The following SORCS1 variants were observed in gnomAD, a reference collection of about 807,000 sequenced individuals.
SORCS1 encodes VPS10 domain-containing receptor SorCS1.
Under a neutral mutation model 146.1 loss-of-function variants are expected in SORCS1, and 60 were observed. That is an observed-to-expected ratio of 0.41 (90% CI 0.33 to 0.51). The LOEUF (loss-of-function observed/expected upper bound fraction) is 0.51, where lower values mean the gene tolerates loss of function less well. SORCS1 is among the 20% of genes least tolerant of loss of function. SORCS1 has a pLI of 0.21. For synonymous variants in SORCS1, 637 were observed against 584.0 expected (o/e 1.09, Z -1.31); for missense variants, 1,352 against 1,487.6 (o/e 0.91, Z 1.50).
At chr10:107,002,956 C>T (rs1416499955) in intron 1 of SORCS1, among the ~76,000 whole-genome samples, 3 of 152,080 alleles carry the variant, frequency 2.0e-5, no homozygotes, top group South Asian at 2.1e-4. Flanking sequence ...CCACTCATTA[C>T]TATAAAAAGT....
chr10:106,831,814 T>C (rs1948558309), intron 2 of SORCS1, among the ~76,000 whole-genome samples: 1 of 152,152 alleles, frequency 6.6e-6, no homozygotes, highest in African/African-American at 2.4e-5. Flanking sequence ...AGGAACAAAG[T>C]ACTACGCAAA....
intron 1 of SORCS1, among the ~76,000 whole-genome samples, chr10:107,079,278 T>C (rs1420899410): frequency 4.0e-5 from 6 of 151,776 alleles, no homozygotes; most frequent in Middle Eastern, 3.5e-3. Flanking sequence ...CTGAAAGACA[T>C]GGTACCTTTC....
chr10:106,741,603 AAAT>A (rs1225936089), intron 5 of SORCS1, among the ~76,000 whole-genome samples: 26 of 152,244 alleles, frequency 1.7e-4, no homozygotes, highest in African/African-American at 5.8e-4. Context: ...TTGTCTCAAA[AAAT>A]AATAATAATT....
At chr10:106,854,487 T>C (rs1949707548) in intron 2 of SORCS1, among the ~76,000 whole-genome samples, 1 of 152,028 alleles carries the variant, frequency 6.6e-6, no homozygotes, top group African/African-American at 2.4e-5. Flanking sequence ...GCCTATCACA[T>C]TTTTACCATT....
At chr10:107,158,634 G>A (rs1052970845) in intron 1 of SORCS1, among the ~76,000 whole-genome samples, 17 of 152,152 alleles carry the variant, frequency 1.1e-4, no homozygotes, top group Non-Finnish European at 2.4e-4. Flanking sequence ...GTACAAGACC[G>A]AGAGCTCATT....
At chr10:106,763,419 G>GGCCCCTCA (rs1164869326) in intron 4 of SORCS1, among the ~76,000 whole-genome samples, 1 of 152,188 alleles carries the variant, frequency 6.6e-6, no homozygotes, top group African/African-American at 2.4e-5. Context: ...TTATTTGTGA[G>GGCCCCTCA]CATATAGAGG....
chr10:107,124,061 T>C (rs1005089481), intron 1 of SORCS1, among the ~76,000 whole-genome samples: 1 of 146,274 alleles, frequency 6.8e-6, no homozygotes, highest in African/African-American at 2.5e-5. Context: ...CACTCCAGCC[T>C]GGGCGACAGA....
intron 19 of SORCS1, among the ~76,000 whole-genome samples, chr10:106,625,920 C>G (rs1364100552): frequency 6.6e-6 from 1 of 152,132 alleles, no homozygotes; most frequent in African/African-American, 2.4e-5. Flanking sequence ...GGCTGCAGCA[C>G]GTGTCTCATT....
chr10:107,157,369 T>G (rs1486935501), intron 1 of SORCS1, among the ~76,000 whole-genome samples: 1 of 152,240 alleles, frequency 6.6e-6, no homozygotes, highest in Non-Finnish European at 1.5e-5. Flanking sequence ...TATTTGACCT[T>G]CTTCTTCCAC....
In SORCS1 at chr10:106,714,581, G is replaced by C. The variant is rs1339995121; in HGVS notation, c.1025-5240C>G. Among the ~76,000 whole-genome samples, 4 of 152,128 alleles carry C rather than the reference G, an allele frequency of 2.6e-5. No individual in the cohort carries two copies. In the South Asian group the frequency reaches 6.2e-4, roughly 24 times the overall value. On this transcript the variant is annotated intron_variant, in intron 6 of 25. Transcript: ENST00000263054. ...CCAAAATAAAAGTTTTTAAAAAGTA[G>C]GTTACCAAAATACGTGCATTATGGA...
chr10:106,692,982 T>A (rs1200163548), intron 9 of SORCS1, among the ~76,000 whole-genome samples: 1 of 152,018 alleles, frequency 6.6e-6, no homozygotes, highest in Admixed American at 6.6e-5. Context: ...ATTTCTAGAA[T>A]ACAAAAAAAC....
chr10:106,898,861 G>T (rs1951589607), intron 2 of SORCS1, among the ~76,000 whole-genome samples: 1 of 152,020 alleles, frequency 6.6e-6, no homozygotes, highest in Admixed American at 6.6e-5. Flanking sequence ...AAACCCAAAG[G>T]CCCATTTATT....
chr10:107,020,450 C>T (rs531062630), intron 1 of SORCS1, among the ~76,000 whole-genome samples: 4 of 152,196 alleles, frequency 2.6e-5, no homozygotes, highest in African/African-American at 4.8e-5. Context: ...AACTTTTGTT[C>T]GTATAGATGT....
intron 1 of SORCS1, among the ~76,000 whole-genome samples, chr10:107,005,652 C>G (rs1957410283): frequency 6.6e-6 from 1 of 151,776 alleles, no homozygotes; most frequent in African/African-American, 2.4e-5. Flanking sequence ...ATTTATTTTC[C>G]TTTTTTGTAC....
At chr10:106,856,028 A>T (rs1005003650) in intron 2 of SORCS1, among the ~76,000 whole-genome samples, 9 of 140,994 alleles carry the variant, frequency 6.4e-5, no homozygotes, top group Middle Eastern at 3.7e-3. Flanking sequence ...GAGACACAAC[A>T]TTTTTTTTTT....
chr10:107,107,143 T>C (rs1965364748), intron 1 of SORCS1, among the ~76,000 whole-genome samples: 1 of 152,138 alleles, frequency 6.6e-6, no homozygotes, highest in African/African-American at 2.4e-5. Flanking sequence ...AACTGGGCAA[T>C]GGGTAGAGGC....
chr10:106,713,187 T>C (rs976603017), intron 6 of SORCS1, among the ~76,000 whole-genome samples: 15 of 152,182 alleles, frequency 9.9e-5, no homozygotes, highest in African/African-American at 3.1e-4. Context: ...AGATGGAAAG[T>C]ACCCATTTCC....
intron 1 of SORCS1, among the ~76,000 whole-genome samples, chr10:106,975,935 G>C (rs1955975810): frequency 6.6e-6 from 1 of 152,058 alleles, no homozygotes; most frequent in African/African-American, 2.4e-5. Flanking sequence ...ATCACCTGAG[G>C]TCAGGAGTTC....
chr10:106,907,692 C>T (rs773114316), intron 2 of SORCS1, among the ~76,000 whole-genome samples: 1 of 151,856 alleles, frequency 6.6e-6, no homozygotes, highest in African/African-American at 2.4e-5. Flanking sequence ...TTTGGGAGGC[C>T]GAGGAGGGTG....
Sources: gnomAD v4.1 joint callset for allele counts (sites outside exome capture counted in the v4.1 genomes callset) on GRCh38, gnomAD v4.1.1 for gene constraint, MANE v1.5 for transcripts, NCBI Gene and HGNC (gene_info 2026-07-23, HGNC 2026-07-21) for gene names.